Variants in RBFOX3 observed in about 807,000 individuals in gnomAD.
The protein encoded by RBFOX3 is RNA binding fox-1 homolog 3.
In RBFOX3, 17 loss-of-function variants were observed where a neutral mutation model predicts 48.7. The observed-to-expected ratio is 0.35, with a 90% CI of 0.24 to 0.52. RBFOX3 has a LOEUF of 0.52. Ranked by LOEUF, RBFOX3 falls within the 20% of genes least tolerant of loss-of-function variation. The pLI is 0.94. For missense variants in RBFOX3, 382 were observed against 497.5 expected (o/e 0.77, Z 2.21); for synonymous variants, 212 against 209.5 (o/e 1.01, Z -0.10).
chr17:79,151,268 C>T (rs934766464), intron 4 of RBFOX3, among the ~76,000 whole-genome samples: 5 of 150,198 alleles, frequency 3.3e-5, no homozygotes, highest in African/African-American at 9.8e-5. Context: ...GGGGGAGAAG[C>T]GAAATCCAGT....
the RBFOX3 span, among the ~76,000 whole-genome samples, chr17:79,621,692 A>AATGTTC: frequency 1.3e-5 from 2 of 152,114 alleles, no homozygotes; most frequent in Admixed American, 1.3e-4. Context: ...CATGTCACTA[A>AATGTTC]ATGTTCATGC....
intron 2 of RBFOX3, among the ~76,000 whole-genome samples, chr17:79,398,374 T>C (rs2062317346): frequency 6.6e-6 from 1 of 152,116 alleles, no homozygotes; most frequent in Non-Finnish European, 1.5e-5. Context: ...CACCCCAGAA[T>C]GTGGGGACCC....
chr17:79,167,665 G>A (rs1368358658), intron 4 of RBFOX3, among the ~76,000 whole-genome samples: 5 of 152,198 alleles, frequency 3.3e-5, no homozygotes, highest in Admixed American at 6.5e-5. Flanking sequence ...GAGGAAGCGT[G>A]CTTGGTGGGT....
chr17:79,467,580 G>C (rs2076484733), intron 2 of RBFOX3, among the ~76,000 whole-genome samples: 1 of 152,148 alleles, frequency 6.6e-6, no homozygotes, highest in Non-Finnish European at 1.5e-5. Context: ...TGACAGAGAG[G>C]CTTACCGCCA....
intron 3 of RBFOX3, among the ~76,000 whole-genome samples, chr17:79,260,729 T>G (rs1555633646): frequency 6.6e-6 from 1 of 152,176 alleles, no homozygotes; most frequent in Non-Finnish European, 1.5e-5. Context: ...GCCCCTCCCC[T>G]GGGGATAGGA....
intron 2 of RBFOX3, among the ~76,000 whole-genome samples, chr17:79,393,322 C>T (rs1394479818): frequency 6.6e-6 from 1 of 152,240 alleles, no homozygotes; most frequent in Non-Finnish European, 1.5e-5. Context: ...CTGCACCTAA[C>T]TTGCTTGTTA....
chr17:79,295,818 G>A (rs1330974363), intron 3 of RBFOX3, among the ~76,000 whole-genome samples: 3 of 152,120 alleles, frequency 2.0e-5, no homozygotes, highest in Non-Finnish European at 4.4e-5. Flanking sequence ...CATGGGGTGC[G>A]TTTGAGGAAG....
intron 4 of RBFOX3, among the ~76,000 whole-genome samples, chr17:79,231,675 GA>G (rs1289146198): frequency 6.6e-5 from 10 of 152,078 alleles, no homozygotes; most frequent in African/African-American, 2.2e-4. Context: ...GAAATTGAAA[GA>G]AAAATACCAT....
intron 4 of RBFOX3, among the ~76,000 whole-genome samples, chr17:79,227,134 G>A (rs946422588): frequency 1.3e-5 from 2 of 152,204 alleles, no homozygotes; most frequent in Non-Finnish European, 2.9e-5. Context: ...TGGCAGGCTG[G>A]ACACTCAGCA....
chr17:79,399,811 C>A (rs2062554432), intron 2 of RBFOX3, among the ~76,000 whole-genome samples: 1 of 152,244 alleles, frequency 6.6e-6, no homozygotes, highest in Admixed American at 6.5e-5. Context: ...CTCCCGTCTT[C>A]AGCAAGCGTG....
chr17:79,439,891 G>A (rs1361770343), intron 2 of RBFOX3, among the ~76,000 whole-genome samples: 7 of 152,230 alleles, frequency 4.6e-5, no homozygotes, highest in Non-Finnish European at 7.3e-5. Context: ...AGTCTGTTAT[G>A]AATAATCCAG....
At chr17:79,571,646 C>T (rs1474597796) in intron 1 of RBFOX3, among the ~76,000 whole-genome samples, 1 of 151,870 alleles carries the variant, frequency 6.6e-6, no homozygotes, top group Non-Finnish European at 1.5e-5. Context: ...TTTAATTAAG[C>T]TTTGAATCTC....
At chr17:79,180,549 T>G (rs920548944) in intron 4 of RBFOX3, among the ~76,000 whole-genome samples, 1 of 152,224 alleles carries the variant, frequency 6.6e-6, no homozygotes, top group East Asian at 1.9e-4. Flanking sequence ...TCTAGAGGCC[T>G]GGCCGGGTAT....
intron 4 of RBFOX3, among the ~76,000 whole-genome samples, chr17:79,167,430 C>G (rs1457819321): frequency 7.4e-6 from 1 of 135,508 alleles, no homozygotes; most frequent in Non-Finnish European, 1.5e-5. Context: ...CCAAGGAGGC[C>G]CTGGCTGATG....
rs144159089 is a variant in RBFOX3 at position 79,444,402 on chromosome 17, CG to C, written c.-175+38051del. On this transcript the variant is annotated intron_variant, in intron 2 of 14. Transcript: ENST00000693108. The stretch of plus-strand genomic sequence containing the variant: ...TGGGCATGCATCACCGAAGACCAGC[CG>C]GGGGAAGAAACCTGAGCTCACAGAG... Among the ~76,000 whole-genome samples the C allele has an allele frequency of 6.9e-3, 1,057 of 152,160 alleles. 10 individuals are homozygous for C. The highest frequency in any genetic ancestry group is 0.023 in the African/African-American group (967 of 41,504).
intron 9 of RBFOX3, 136 bp from the exon 10 acceptor site, chr17:79,097,881 C>G (rs1166305533): frequency 4.9e-6 from 4 of 821,076 alleles, no homozygotes; most frequent in East Asian, 5.4e-5. Context: ...CCGGGCCCCC[C>G]TTTCCCACAC....
the RBFOX3 span, among the ~76,000 whole-genome samples, chr17:79,648,015 G>A: frequency 3.3e-5 from 5 of 151,148 alleles, no homozygotes; most frequent in Non-Finnish European, 5.9e-5. Flanking sequence ...GGTGCAGTAG[G>A]AGACACAGAG....
chr17:79,517,458 A>C (rs1423850083), intron 1 of RBFOX3, among the ~76,000 whole-genome samples: 107 of 151,538 alleles, frequency 7.1e-4, no homozygotes, highest in East Asian at 2.3e-3. Context: ...AAAAAAAAAA[A>C]AAACAAACAA....
At chr17:79,596,200 A>G (rs1049563073) in intron 1 of RBFOX3, among the ~76,000 whole-genome samples, 1 of 152,212 alleles carries the variant, frequency 6.6e-6, no homozygotes, top group Non-Finnish European at 1.5e-5. Flanking sequence ...AAACAATTGC[A>G]CACGCTCCAA....
Sources: allele counts gnomAD v4.1 joint callset (sites outside exome capture counted in the v4.1 genomes callset), GRCh38; gene constraint gnomAD v4.1.1; transcripts MANE v1.5; gene names NCBI Gene and HGNC (gene_info 2026-07-23, HGNC 2026-07-21).